Variants in MAPK10 observed in about 807,000 individuals in gnomAD.
The protein encoded by MAPK10 is JNK3 alpha protein kinase.
In MAPK10, 25 loss-of-function variants were observed where a neutral mutation model predicts 59.3. The observed-to-expected ratio is 0.42, with a 90% CI of 0.31 to 0.59. MAPK10 has a LOEUF of 0.59. Among genes scored for constraint, MAPK10 ranks in the 20% least tolerant of loss-of-function variants. The probability of loss-of-function intolerance (pLI) is 0.15; values close to 1 mark genes in which losing one functional copy is unlikely to be tolerated. For synonymous variants in MAPK10, 190 were observed against 200.5 expected (o/e 0.95, Z 0.44); for missense variants, 351 against 568.9 (o/e 0.62, Z 3.90).
At chr4:86,287,669 A>T (rs1323027468) in intron 2 of MAPK10, among the ~76,000 whole-genome samples, 2 of 152,218 alleles carry the variant, frequency 1.3e-5, no homozygotes, top group African/African-American at 4.8e-5. Context: ...TAATCCATAG[A>T]TTACACACTA....
chr4:86,426,154 T>C (rs931993517), intron 1 of MAPK10, among the ~76,000 whole-genome samples: 1 of 152,256 alleles, frequency 6.6e-6, no homozygotes, highest in Non-Finnish European at 1.5e-5. Context: ...TATTTCACTT[T>C]ACAGTATGCT....
At chr4:86,063,455 T>A (rs2046108411) in intron 11 of MAPK10, among the ~76,000 whole-genome samples, 1 of 152,160 alleles carries the variant, frequency 6.6e-6, no homozygotes, top group African/African-American at 2.4e-5. Context: ...AAGCTTCTCA[T>A]GTTTAAGGGA....
At chr4:86,063,769 C>CAAGGTTTCATGA (rs2046189690) in intron 11 of MAPK10, among the ~76,000 whole-genome samples, 1 of 152,094 alleles carries the variant, frequency 6.6e-6, no homozygotes, top group Non-Finnish European at 1.5e-5. Context: ...CTGAAATACC[C>CAAGGTTTCATGA]ACTTCTAGTT....
At chr4:86,356,570 C>T (rs1050226615) in intron 1 of MAPK10, 4 of 434,860 alleles carry the variant, frequency 9.2e-6, no homozygotes, top group African/African-American at 8.6e-5. Context: ...TTTGTATTTT[C>T]CCCTTCTTTG....
At chr4:86,093,365 A>G (rs2053604904) in intron 9 of MAPK10, among the ~76,000 whole-genome samples, 1 of 151,964 alleles carries the variant, frequency 6.6e-6, no homozygotes. Context: ...CTCAACACAC[A>G]ATAGCAAGAA....
At chr4:86,063,163 A>G (rs1561171322) in intron 11 of MAPK10, among the ~76,000 whole-genome samples, 1 of 152,192 alleles carries the variant, frequency 6.6e-6, no homozygotes. Context: ...TTGTGTCTGT[A>G]AAGTTCAATT....
chr4:86,152,538 G>C (rs1343750785), intron 4 of MAPK10: 4 of 152,124 alleles, frequency 2.6e-5, no homozygotes, highest in Admixed American at 2.6e-4. Flanking sequence ...GGGAATGATA[G>C]GGCTGTCACT....
intron 11 of MAPK10, chr4:86,031,949 A>G (rs1484943991): frequency 6.5e-6 from 1 of 152,676 alleles, no homozygotes; most frequent in African/African-American, 2.4e-5. Flanking sequence ...CAACCTTTTT[A>G]TTTTTCATGA....
intron 1 of MAPK10, among the ~76,000 whole-genome samples, chr4:86,592,217 A>C (rs954022666): frequency 3.9e-5 from 6 of 152,140 alleles, no homozygotes; most frequent in African/African-American, 1.4e-4. Context: ...CATTATATCC[A>C]AAAGGAATTT....
upstream of MAPK10, among the ~76,000 whole-genome samples, chr4:86,455,945 T>C (rs1436969832): frequency 6.6e-6 from 1 of 152,168 alleles, no homozygotes; most frequent in Admixed American, 6.5e-5. Flanking sequence ...AAATTGAAAT[T>C]GTATCAAGCA....
intron 2 of MAPK10, among the ~76,000 whole-genome samples, chr4:86,293,884 C>T (rs1478700604): frequency 6.6e-6 from 1 of 152,158 alleles, no homozygotes; most frequent in Non-Finnish European, 1.5e-5. Context: ...ACACCTCCCA[C>T]CAGGCCCCAC....
At chr4:86,194,505 C>T (rs1240194211) in intron 2 of MAPK10, 98 bp from the exon 3 acceptor site, 26 of 737,206 alleles carry the variant, frequency 3.5e-5, no homozygotes, top group Non-Finnish European at 6.4e-5. Flanking sequence ...ATGCAAAGTA[C>T]CATGCACAAC....
chr4:86,077,805 T>G lies in MAPK10; in HGVS notation c.803-9850A>C, dbSNP rs148637581. Among the ~76,000 whole-genome samples, 36 of 152,320 alleles carry G rather than the reference T, an allele frequency of 2.4e-4. No individual in the cohort carries two copies. The East Asian group carries it at 7.0e-3, about 29-fold the overall frequency. ...GCCTAATAGCAATGTCGTTATAGAA[T>G]AGTTCCAGGAGAGGCTTTTATCATG... On this transcript the variant is annotated intron_variant, in intron 9 of 13. Coordinates refer to ENST00000641462, the MANE Select transcript of MAPK10 (RefSeq NM_138982.4).
chr4:86,296,197 G>C (rs1255077170), intron 2 of MAPK10, among the ~76,000 whole-genome samples: 1 of 148,574 alleles, frequency 6.7e-6, no homozygotes, highest in Non-Finnish European at 1.5e-5. Context: ...AAAAGAAAAA[G>C]AAAGATTTGG....
At chr4:86,433,555 CTTTTTTT>C (rs574706672) in intron 1 of MAPK10, among the ~76,000 whole-genome samples, 1,080 of 97,602 alleles carry the variant, frequency 0.011, 22 homozygotes, top group East Asian at 0.081. Flanking sequence ...GGGCCTTCTT[CTTTTTTT>C]TTTTTTTTTT....
chr4:86,548,653 G>T (rs1397111940), intron 1 of MAPK10, among the ~76,000 whole-genome samples: 1 of 152,158 alleles, frequency 6.6e-6, no homozygotes, highest in Admixed American at 6.5e-5. Context: ...TTCCTGTATA[G>T]CCCATGGAAC....
chr4:86,272,100 T>G (rs184439303), intron 2 of MAPK10, among the ~76,000 whole-genome samples: 1 of 152,262 alleles, frequency 6.6e-6, no homozygotes, highest in East Asian at 1.9e-4. Flanking sequence ...TTTGGTTTTC[T>G]GCTCCTGCAT....
At chr4:86,173,094 C>A (rs1014541043) in intron 3 of MAPK10, among the ~76,000 whole-genome samples, 10 of 150,854 alleles carry the variant, frequency 6.6e-5, no homozygotes, top group African/African-American at 2.5e-4. Flanking sequence ...GATTGACATT[C>A]TTCACAGAAT....
chr4:86,204,826 T>C (rs1582745152), intron 2 of MAPK10, among the ~76,000 whole-genome samples: 1 of 152,030 alleles, frequency 6.6e-6, no homozygotes, highest in South Asian at 2.1e-4. Flanking sequence ...GATGGGGAAA[T>C]GGCAGTGGGT....
Sources: gnomAD v4.1 joint callset for allele counts (sites outside exome capture counted in the v4.1 genomes callset) on GRCh38, gnomAD v4.1.1 for gene constraint, MANE v1.5 for transcripts, NCBI Gene and HGNC (gene_info 2026-07-23, HGNC 2026-07-21) for gene names.